The following GPC6 variants were observed in gnomAD, a reference collection of about 807,000 sequenced individuals.
GPC6 encodes the protein glypican-6.
GPC6 carries 14 observed loss-of-function variants against 55.2 expected under a neutral mutation model. The ratio of observed to expected loss-of-function variants is 0.25; its 90% CI spans 0.17 to 0.40. The LOEUF (loss-of-function observed/expected upper bound fraction) is 0.40, where lower values mean the gene tolerates loss of function less well. Ranked by LOEUF, GPC6 falls within the 10% of genes least tolerant of loss-of-function variation. The probability of loss-of-function intolerance (pLI) is 1.00; values close to 1 mark genes in which losing one functional copy is unlikely to be tolerated. For missense variants in GPC6, 641 were observed against 708.5 expected (o/e 0.90, Z 1.08); for synonymous variants, 278 against 259.6 (o/e 1.07, Z -0.68).
intron 2 of GPC6, among the ~76,000 whole-genome samples, chr13:93,684,504 G>A (rs1483897919): frequency 6.6e-6 from 1 of 152,086 alleles, no homozygotes; most frequent in Non-Finnish European, 1.5e-5. Context: ...ATTTTTAAAT[G>A]TGTTACACAA....
intron 3 of GPC6, among the ~76,000 whole-genome samples, chr13:93,926,053 A>T (rs544679069): frequency 1.3e-5 from 2 of 152,326 alleles, no homozygotes; most frequent in South Asian, 4.1e-4. Flanking sequence ...AACTTGTTAC[A>T]TAGTGACTGA....
At chr13:93,229,087 C>G (rs1352835153) in intron 1 of GPC6, among the ~76,000 whole-genome samples, 1 of 152,140 alleles carries the variant, frequency 6.6e-6, no homozygotes, top group Admixed American at 6.5e-5. Context: ...ACTTTTCTAT[C>G]CTTGTTACTT....
intron 2 of GPC6, among the ~76,000 whole-genome samples, chr13:93,706,266 CTAAA>C (rs1882845930): frequency 6.6e-6 from 1 of 151,740 alleles, no homozygotes; most frequent in Non-Finnish European, 1.5e-5. Context: ...ATGCTTCTTC[CTAAA>C]TAAAAAGATT....
At chr13:94,261,538 T>C (rs531970855) in intron 4 of GPC6, among the ~76,000 whole-genome samples, 2 of 152,228 alleles carry the variant, frequency 1.3e-5, no homozygotes, top group South Asian at 2.1e-4. Flanking sequence ...AAAATCACAA[T>C]GAAAAATGGA....
At chr13:93,258,428 G>T (rs1348205186) in intron 1 of GPC6, among the ~76,000 whole-genome samples, 1 of 152,120 alleles carries the variant, frequency 6.6e-6, no homozygotes, top group Non-Finnish European at 1.5e-5. Flanking sequence ...CTACAATGGT[G>T]CCCTTTATGG....
intron 2 of GPC6, among the ~76,000 whole-genome samples, chr13:93,687,288 T>G (rs1000564633): frequency 6.6e-6 from 1 of 152,150 alleles, no homozygotes; most frequent in Non-Finnish European, 1.5e-5. Flanking sequence ...TCCTATATTC[T>G]TCATCCCAAT....
intron 1 of GPC6, among the ~76,000 whole-genome samples, chr13:93,501,310 C>G (rs910750373): frequency 6.6e-6 from 1 of 151,990 alleles, no homozygotes; most frequent in African/African-American, 2.4e-5. Flanking sequence ...GAATAATCAG[C>G]CCCAAGAACT....
At chr13:94,134,733 A>T (rs1887122024) in intron 4 of GPC6, among the ~76,000 whole-genome samples, 1 of 152,086 alleles carries the variant, frequency 6.6e-6, no homozygotes, top group African/African-American at 2.4e-5. Flanking sequence ...CTTTGTAGGG[A>T]ATCTATATGC....
chr13:93,565,934 CA>C (rs35217779), intron 2 of GPC6, among the ~76,000 whole-genome samples: 14,074 of 134,832 alleles, frequency 0.1, 990 homozygotes, highest in South Asian at 0.31. Context: ...AACAAACAAA[CA>C]AAAAAAAAAA....
intron 4 of GPC6, among the ~76,000 whole-genome samples, chr13:94,109,038 T>A (rs1467018368): frequency 1.3e-5 from 2 of 151,894 alleles, no homozygotes; most frequent in Non-Finnish European, 2.9e-5. Flanking sequence ...ATGTTTCCCC[T>A]TTCTTTAAAC....
At chr13:93,704,087 C>T (rs76334581) in intron 2 of GPC6, among the ~76,000 whole-genome samples, 30 of 152,072 alleles carry the variant, frequency 2.0e-4, no homozygotes, top group African/African-American at 6.7e-4. Context: ...TCTTTGAGCT[C>T]GAGCCCAATA....
intron 5 of GPC6, among the ~76,000 whole-genome samples, chr13:94,289,342 C>T (rs1874816473): frequency 6.6e-6 from 1 of 152,144 alleles, no homozygotes; most frequent in South Asian, 2.1e-4. Context: ...TCATTTCACT[C>T]CTGCACCCTG....
intron 4 of GPC6, among the ~76,000 whole-genome samples, chr13:94,044,733 A>C (rs1469821363): frequency 6.6e-6 from 1 of 151,856 alleles, no homozygotes; most frequent in Admixed American, 6.6e-5. Context: ...ATCAATCTGC[A>C]TTCCCACCAG....
chr13:93,503,878 A>T (rs894661357), intron 1 of GPC6, among the ~76,000 whole-genome samples: 27 of 152,168 alleles, frequency 1.8e-4, no homozygotes, highest in Non-Finnish European at 3.2e-4. Context: ...TGACATTTTC[A>T]TATTTAGACA....
intron 1 of GPC6, among the ~76,000 whole-genome samples, chr13:93,232,149 G>T (rs1876084592): frequency 6.6e-6 from 1 of 151,478 alleles, no homozygotes. Context: ...AACTTAAATG[G>T]AAAACAGTGT....
rs1299548089 is a variant in GPC6, at chr13:93,895,218, A to ATGTG, written c.711+64676_711+64677insGTGT. Among the ~76,000 whole-genome samples, 4 of 60,444 alleles carry ATGTG rather than the reference A, an allele frequency of 6.6e-5. 1 individual carries two copies. Among genetic ancestry groups the ATGTG allele is most frequent in the African/African-American group, 2.8e-4 (3 of 10,746 alleles). The allele number at this position is 60,444 out of a possible 152,430, so 39.7% of individuals were successfully genotyped here. ...TCCATATATATGTGTGTGTGTGTGT[A>ATGTG]TGTATGTGTGTGTGTGTATATATAT... On this transcript the variant is annotated intron_variant, in intron 3 of 8. Coordinates refer to ENST00000377047, the MANE Select transcript of GPC6 (RefSeq NM_005708.5).
chr13:94,284,111 G>C (rs781089970), intron 4 of GPC6, among the ~76,000 whole-genome samples: 17 of 152,156 alleles, frequency 1.1e-4, no homozygotes, highest in Non-Finnish European at 2.2e-4. Context: ...AGGCTTGCCC[G>C]GCAGGTGGGA....
rs542167521 is a variant in GPC6 at position 93,737,707 on chromosome 13, G to A, written c.320-92447G>A. Among the ~76,000 whole-genome samples, 4 of 152,098 alleles carry A rather than the reference G, an allele frequency of 2.6e-5. No homozygotes were observed. In the South Asian group the frequency reaches 8.3e-4, roughly 32 times the overall value. ...GCCATTCTTCCTAGAAAAAGTAGGT[G>A]AACAAATATAATTTTTTATAAAATG... is the stretch of plus-strand genomic sequence containing the variant. On this transcript the variant is annotated intron_variant, in intron 2 of 8. Coordinates refer to ENST00000377047, the MANE Select transcript of GPC6 (RefSeq NM_005708.5).
At chr13:93,741,117 CT>C (rs772541106) in intron 2 of GPC6, among the ~76,000 whole-genome samples, 173 of 77,204 alleles carry the variant, frequency 2.2e-3, no homozygotes, top group South Asian at 0.011. Context: ...CATCCAGAAT[CT>C]TTTTTTTTTT....
Sources: gnomAD v4.1 joint callset for allele counts (sites outside exome capture counted in the v4.1 genomes callset) on GRCh38, gnomAD v4.1.1 for gene constraint, MANE v1.5 for transcripts, NCBI Gene and HGNC (gene_info 2026-07-23, HGNC 2026-07-21) for gene names.